The following GRAMD1B variants were observed in gnomAD, a reference collection of about 807,000 sequenced individuals.
GRAMD1B encodes the protein GRAM domain containing 1B, also known as protein Aster-B.
Under a neutral mutation model 99.7 loss-of-function variants are expected in GRAMD1B, and 37 were observed. The observed-to-expected ratio is 0.37, with a 90% CI of 0.29 to 0.49. The LOEUF is 0.49. Among genes scored for constraint, GRAMD1B ranks in the 20% least tolerant of loss-of-function variants. The pLI, the probability that GRAMD1B is intolerant of heterozygous loss-of-function variation, is 0.98. For synonymous variants in GRAMD1B, 427 were observed against 387.6 expected (o/e 1.10, Z -1.19); for missense variants, 888 against 1,009.2 (o/e 0.88, Z 1.63).
At chr11:123,539,560 C>T (rs1022045782) in intron 2 of GRAMD1B, among the ~76,000 whole-genome samples, 4 of 152,128 alleles carry the variant, frequency 2.6e-5, no homozygotes, top group Admixed American at 6.5e-5. Flanking sequence ...CATAATCACA[C>T]CACTGCACTC....
chr11:123,577,104 G>C (rs1948786955), intron 2 of GRAMD1B, among the ~76,000 whole-genome samples: 1 of 152,246 alleles, frequency 6.6e-6, no homozygotes, highest in Admixed American at 6.5e-5. Flanking sequence ...CGGACGGATG[G>C]ACGGATGCAT....
At chr11:123,607,984 GAAGC>G in intron 11 of GRAMD1B, 1 of 154,396 alleles carries the variant, frequency 6.5e-6, no homozygotes, top group South Asian at 2.0e-4. Context: ...GAGACTGAAG[GAAGC>G]TCCATTTTTG....
intron 1 of GRAMD1B, among the ~76,000 whole-genome samples, chr11:123,421,919 A>T (rs1395837845): frequency 6.6e-6 from 1 of 152,264 alleles, no homozygotes; most frequent in Non-Finnish European, 1.5e-5. Context: ...GATTTGAATT[A>T]TATGAAGGAT....
At chr11:123,442,865 C>A (rs188678194) in intron 1 of GRAMD1B, among the ~76,000 whole-genome samples, 4,052 of 151,830 alleles carry the variant, frequency 0.027, 84 homozygotes, top group South Asian at 0.053. Context: ...ATGCCCCCCC[C>A]CACCCCTTTT....
At chr11:123,485,209 A>T (rs1003847714) in intron 2 of GRAMD1B, among the ~76,000 whole-genome samples, 1 of 152,184 alleles carries the variant, frequency 6.6e-6, no homozygotes, top group Admixed American at 6.5e-5. Context: ...AACATGAAAG[A>T]TTGTTTCATA....
In GRAMD1B at chr11:123,587,651, A is replaced by G. The variant is rs1182561100; in HGVS notation, c.684+3319A>G. Among the ~76,000 whole-genome samples the G allele has an allele frequency of 6.6e-6, 1 of 152,136 alleles. No homozygotes were observed. The highest frequency in any genetic ancestry group is 2.4e-5 in the African/African-American group (1 of 41,438). On this transcript the variant is annotated intron_variant, in intron 4 of 19. Coordinates refer to ENST00000635736, the MANE Select transcript of GRAMD1B (RefSeq NM_001387025.1). This position sits in a 1 kb window ranked among gnomAD's most constrained non-coding sequence, Gnocchi z 4.2. ...CAGCCCCAGAAGGAGCATTTCTGAGATCAGAGCACAGGAGCCCAGACCCTG... is the reference window on the plus strand; with the variant it reads ...CAGCCCCAGAAGGAGCATTTCTGAGGTCAGAGCACAGGAGCCCAGACCCTG...
At chr11:123,609,603 C>T (rs897529565) in intron 12 of GRAMD1B, among the ~76,000 whole-genome samples, 192 bp from the exon 13 acceptor site, 4 of 152,202 alleles carry the variant, frequency 2.6e-5, no homozygotes, top group Non-Finnish European at 5.9e-5. Context: ...GACAATGCTA[C>T]AATGAGCCTC....
intron 7 of GRAMD1B, 101 bp downstream of exon 7, chr11:123,596,138 A>G: frequency 1.5e-6 from 1 of 683,710 alleles, no homozygotes; most frequent in Non-Finnish European, 2.5e-6. Flanking sequence ...AGCCAATAGG[A>G]TTGGGATGAG....
intron 1 of GRAMD1B, among the ~76,000 whole-genome samples, chr11:123,452,887 C>G (rs1441012018): frequency 6.6e-6 from 1 of 152,104 alleles, no homozygotes; most frequent in African/African-American, 2.4e-5. Flanking sequence ...TTTCATTTCT[C>G]CAGGAAAGAA....
intron 1 of GRAMD1B, among the ~76,000 whole-genome samples, chr11:123,451,537 A>G (rs560963543): frequency 6.6e-6 from 1 of 152,194 alleles, no homozygotes; most frequent in East Asian, 1.9e-4. Flanking sequence ...GGGTAATTCA[A>G]ATCCACAGGA....
intron 1 of GRAMD1B, among the ~76,000 whole-genome samples, chr11:123,387,146 G>A (rs1431104019): frequency 1.3e-5 from 2 of 152,184 alleles, no homozygotes; most frequent in Non-Finnish European, 2.9e-5. Flanking sequence ...GCTAGAAGCA[G>A]TCTCTGAGCC....
chr11:123,537,053 C>T (rs1451477052), intron 2 of GRAMD1B, among the ~76,000 whole-genome samples: 1 of 152,118 alleles, frequency 6.6e-6, no homozygotes, highest in Non-Finnish European at 1.5e-5. Flanking sequence ...TCTTTCTGCC[C>T]CGTCTTGAAT....
At chr11:123,555,596 G>A (rs933584635) in intron 2 of GRAMD1B, among the ~76,000 whole-genome samples, 6 of 152,090 alleles carry the variant, frequency 3.9e-5, no homozygotes, top group African/African-American at 9.7e-5. Context: ...TGATGCACCT[G>A]CCTCAGCCTT....
intron 1 of GRAMD1B, among the ~76,000 whole-genome samples, chr11:123,441,740 G>A (rs1178611018): frequency 3.9e-5 from 6 of 152,108 alleles, no homozygotes; most frequent in Non-Finnish European, 8.8e-5. Flanking sequence ...AGGCTTCAGT[G>A]AGCCATGACC....
Position 123,618,819 on chromosome 11 carries a change from C to T in GRAMD1B, c.2426+19C>T, listed in dbSNP as rs775663444. 6.5e-6 allele frequency: 8 copies of T among 1,233,308 alleles called. No individual in the cohort carries two copies. Among genetic ancestry groups the T allele is most frequent in the Non-Finnish European group, 9.4e-6 (8 of 854,942 alleles). The allele number at this position is 1,233,308 out of a possible 1,614,324, so 76.4% of individuals were successfully genotyped here. A position where few individuals can be genotyped will look rare whatever the true frequency, so the allele number is the denominator to read the frequency against. ...AAGAAAGGTAATCCTGGCCTCGTCC[C>T]CTCACCTCCACCTTCATCCCACCCA... On this transcript the variant is annotated intron_variant, in intron 18 of 19. Coordinates refer to ENST00000635736, the MANE Select transcript of GRAMD1B (RefSeq NM_001387025.1).
intron 2 of GRAMD1B, chr11:123,560,328 A>G: frequency 8.6e-7 from 1 of 1,157,242 alleles, no homozygotes; most frequent in South Asian, 1.8e-5. Context: ...GCAGAGAGAG[A>G]GAGGGACTTC....
At chr11:123,525,820 C>T (rs949332627) in intron 2 of GRAMD1B, 20 of 377,226 alleles carry the variant, frequency 5.3e-5, no homozygotes, top group Admixed American at 4.0e-4. Context: ...GCTTGTTTCG[C>T]GCAGCCTTGC....
In GRAMD1B at chr11:123,608,667, C is replaced by A; in HGVS notation, c.1522C>A (p.Gln508Lys). ...SSDTHDEGEV[Q>K]AFYEDLSGRQ... ...TCCTCTCTTCTGTGCAGGAGAGGTC[C>A]AGGCCTTCTATGAGGACCTGAGTGG... The change falls in exon 12 of 20, where the codon CAG becomes AAG. Residue 508 changes from glutamine (Q) to lysine (K), a missense_variant. Around this residue, in one of 5 missense-constraint regions of GRAMD1B, gnomAD observed 269 missense variants for 296.6 expected, o/e 0.91. Coordinates refer to ENST00000635736, the MANE Select transcript of GRAMD1B (RefSeq NM_001387025.1). 6.3e-7 allele frequency: 1 copy of A among 1,577,830 alleles called. No individual in the cohort carries two copies. Among genetic ancestry groups the A allele is most frequent in the East Asian group, 2.3e-5 (1 of 43,148 alleles).
At chr11:123,531,676 C>CAG (rs1220475121) in intron 2 of GRAMD1B, among the ~76,000 whole-genome samples, 1 of 151,580 alleles carries the variant, frequency 6.6e-6, no homozygotes, top group African/African-American at 2.4e-5. Flanking sequence ...GACATTTGTC[C>CAG]CCTAAATGAG....
Sources: allele counts gnomAD v4.1 joint callset (sites outside exome capture counted in the v4.1 genomes callset), GRCh38; gene constraint gnomAD v4.1.1; regional missense constraint gnomAD v4.1.1; non-coding constraint Gnocchi (gnomAD v3.1); transcripts MANE v1.5; gene names NCBI Gene and HGNC (gene_info 2026-07-23, HGNC 2026-07-21).